Variants in ORC5 observed in about 807,000 individuals in gnomAD.
ORC5 encodes protein phosphatase 1, regulatory subunit 117.
A neutral mutation model predicts 58.8 loss-of-function variants in ORC5; 39 were observed. That is an observed-to-expected ratio of 0.66 (90% CI 0.51 to 0.87). ORC5 has a LOEUF of 0.87. Among genes scored for constraint, ORC5 ranks in the 40% least tolerant of loss-of-function variants. ORC5 has a pLI of 0.00. For missense variants in ORC5, 493 were observed against 506.3 expected (o/e 0.97, Z 0.25); for synonymous variants, 218 against 177.6 (o/e 1.23, Z -1.81).
intron 12 of ORC5, among the ~76,000 whole-genome samples, chr7:104,145,989 C>T (rs775294606): frequency 2.6e-5 from 4 of 152,060 alleles, no homozygotes; most frequent in Non-Finnish European, 4.4e-5. Flanking sequence ...CAAGGTAAAA[C>T]GGAAGAATCT....
intron 12 of ORC5, among the ~76,000 whole-genome samples, chr7:104,143,034 G>C (rs973220907): frequency 6.6e-6 from 1 of 152,156 alleles, no homozygotes; most frequent in Admixed American, 6.5e-5. Flanking sequence ...TTATTGCTAA[G>C]TATATTAACT....
chr7:104,150,224 G>A (rs1437744797), intron 12 of ORC5, among the ~76,000 whole-genome samples: 35 of 152,108 alleles, frequency 2.3e-4, no homozygotes, highest in Admixed American at 2.2e-3. Flanking sequence ...ATTTTTATAC[G>A]TTCATAGGTT....
chr7:104,198,452 A>G (rs1216989710), intron 3 of ORC5, among the ~76,000 whole-genome samples: 1 of 152,220 alleles, frequency 6.6e-6, no homozygotes, highest in African/African-American at 2.4e-5. Flanking sequence ...GAAGGGTGGC[A>G]TTTTGCCCCT....
At chr7:104,186,652 T>C (rs1056562737) in intron 6 of ORC5, among the ~76,000 whole-genome samples, 6 of 152,078 alleles carry the variant, frequency 3.9e-5, no homozygotes, top group African/African-American at 1.2e-4. Flanking sequence ...TTCAGGTGAT[T>C]TAATAAACTT....
At chr7:104,200,691 G>GA in intron 3 of ORC5, 67 bp downstream of exon 3, 2 of 1,012,852 alleles carry the variant, frequency 2.0e-6, no homozygotes, top group Non-Finnish European at 3.0e-6. Flanking sequence ...ACAAATATAT[G>GA]AAAATTGATC....
chr7:104,186,374 G>A (rs920014789), intron 6 of ORC5, among the ~76,000 whole-genome samples: 3 of 152,052 alleles, frequency 2.0e-5, no homozygotes, highest in Non-Finnish European at 4.4e-5. Flanking sequence ...TATGGGACTG[G>A]TCCTGGAACC....
chr7:104,188,198 A>C, intron 6 of ORC5, 53 bp downstream of exon 6: 1 of 1,167,174 alleles, frequency 8.6e-7, no homozygotes, highest in Non-Finnish European at 1.2e-6. Context: ...ATATGTATAC[A>C]CACACACACA....
In ORC5 at chr7:104,136,286, GTCTCTCT is replaced by G. The variant is rs1204276136; in HGVS notation, c.1262+488_1262+494del. On this transcript the variant is annotated intron_variant, in intron 13 of 13. Coordinates refer to ENST00000297431, the MANE Select transcript of ORC5 (RefSeq NM_002553.4). The surrounding 1 kb of genome is among the most constrained non-coding windows in gnomAD (Gnocchi z 4.2). ...GTGCCCCTTCAGTATGTATCCATTTGTCTCTCTGAAAACTCTAAACACAGCACAGCAC... is the reference window on the plus strand; with the variant it reads ...GTGCCCCTTCAGTATGTATCCATTTGGAAAACTCTAAACACAGCACAGCAC... Among the ~76,000 whole-genome samples the G allele has an allele frequency of 6.6e-6, 1 of 151,572 alleles. No homozygotes were observed. Among genetic ancestry groups the G allele is most frequent in the Admixed American group, 6.6e-5 (1 of 15,182 alleles).
intron 10 of ORC5, 179 bp from the exon 11 acceptor site, chr7:104,165,461 C>T (rs1334292237): frequency 7.0e-6 from 3 of 430,170 alleles, no homozygotes; most frequent in South Asian, 4.2e-5. Flanking sequence ...AGGCCAATTT[C>T]GTTTAGACTT....
intron 6 of ORC5, among the ~76,000 whole-genome samples, chr7:104,185,661 T>C (rs1799528366): frequency 1.3e-5 from 2 of 152,196 alleles, no homozygotes; most frequent in African/African-American, 2.4e-5. Flanking sequence ...AGAAACTCTA[T>C]GTATTCTAAA....
chr7:104,146,716 G>A (rs1798758293), intron 12 of ORC5, among the ~76,000 whole-genome samples: 1 of 152,144 alleles, frequency 6.6e-6, no homozygotes, highest in Admixed American at 6.5e-5. Flanking sequence ...TAATGGAACC[G>A]GTCTTGACTG....
chr7:104,165,417 C>T lies in ORC5; in HGVS notation c.991-135G>A, dbSNP rs1799091270. On this transcript the variant is annotated intron_variant, in intron 10 of 13. Transcript: ENST00000297431. ...GTTTTTAAATAGTTATTCTTCTTAT[C>T]ACCTTGTATATATATTAGACTTCAA... 1.9e-5 allele frequency: 11 copies of T among 594,006 alleles called. No homozygotes were observed. In the South Asian group the frequency reaches 2.0e-4, roughly 11 times the overall value. 36.8% of individuals were successfully genotyped at this position (594,006 alleles called of 1,614,324 possible). A position where few individuals can be genotyped will look rare whatever the true frequency, so the allele number is the denominator to read the frequency against.
rs1194673065 is a variant in ORC5 at position 104,136,268 on chromosome 7, T to C, written c.1262+513A>G. 1.3e-5 allele frequency among the ~76,000 whole-genome samples: 2 copies of C among 152,026 alleles called. No individual in the cohort carries two copies. The highest frequency in any genetic ancestry group is 2.4e-5 in the African/African-American group (1 of 41,388). ...CATTCTACCACTCTCCTCGTGCCCC[T>C]TCAGTATGTATCCATTTGTCTCTCT... On this transcript the variant is annotated intron_variant, in intron 13 of 13. Coordinates refer to ENST00000297431, the MANE Select transcript of ORC5 (RefSeq NM_002553.4). This position sits in a 1 kb window ranked among gnomAD's most constrained non-coding sequence, Gnocchi z 4.2.
chr7:104,154,205 T>C (rs370619285), intron 12 of ORC5, among the ~76,000 whole-genome samples: 1 of 152,092 alleles, frequency 6.6e-6, no homozygotes, highest in Non-Finnish European at 1.5e-5. Flanking sequence ...AGTCTTGAGA[T>C]TGTCTGACAC....
At chr7:104,172,279 TTATG>T (rs1289080281) in intron 8 of ORC5, among the ~76,000 whole-genome samples, 2 of 152,238 alleles carry the variant, frequency 1.3e-5, no homozygotes, top group Admixed American at 6.5e-5. Context: ...CCTTTCATTA[TTATG>T]TAAGAATCAT....
rs764468800 is a variant in ORC5 at position 104,207,856 on chromosome 7, T to C, written c.49A>G (p.Ile17Val). The change falls in exon 1 of 14, where the codon ATC becomes GTC. Residue 17 changes from isoleucine to valine, a missense_variant. Physicochemically the swap from Ile to Val is conservative, Grantham distance 29 (BLOSUM62 3). Around this residue, in one of 3 missense-constraint regions of ORC5, gnomAD observed 412 missense variants for 403.7 expected, o/e 1.02. Coordinates refer to ENST00000297431, the MANE Select transcript of ORC5 (RefSeq NM_002553.4). Reference protein sequence around the residue: ...VVLCRESQVSILQSLFGERHH... With the variant: ...VVLCRESQVSVLQSLFGERHH... Reference sequence around the variant, plus strand: ...ACCTCTCCAAACAAGGACTGCAAGATGGACACTTGAGACTCGCGACAAAGC... The same window carrying C: ...ACCTCTCCAAACAAGGACTGCAAGACGGACACTTGAGACTCGCGACAAAGC... 12 of 1,614,054 alleles carry C rather than the reference T, an allele frequency of 7.4e-6. No individual in the cohort carries two copies. In the African/African-American group the frequency reaches 1.3e-4, roughly 18 times the overall value.
intron 8 of ORC5, among the ~76,000 whole-genome samples, chr7:104,173,881 G>C (rs1404445662): frequency 8.2e-6 from 1 of 121,682 alleles, no homozygotes; most frequent in Non-Finnish European, 1.7e-5. Context: ...GTCTCGCTCT[G>C]TCGCCCAGGC....
intron 3 of ORC5, among the ~76,000 whole-genome samples, chr7:104,200,199 T>G (rs1302697873): frequency 6.6e-6 from 1 of 152,204 alleles, no homozygotes; most frequent in Non-Finnish European, 1.5e-5. Flanking sequence ...ACCAGGCATA[T>G]TTGTTGCTCT....
At position 104,195,237 on chromosome 7, in the gene ORC5, A is replaced by C. The variant is rs748898831; in HGVS notation, c.459T>G (p.Thr153=). Residue 153 remains threonine (T), a synonymous_variant, in exon 5 of 14, where the codon ACT becomes ACG. Transcript: ENST00000297431. ...AAACAATTTCACTGAGAAAGAGAAC[A>C]GTCACATTTCTGTCAGCCTGTAAAA... ...RLQELADRNV[T]VLFLSEIVWE... is the part of the protein sequence containing the mutation. 3 of 1,553,640 alleles carry C rather than the reference A, an allele frequency of 1.9e-6. No individual in the cohort carries two copies. The South Asian group carries it at 3.7e-5, about 19-fold the overall frequency.
Sources: gnomAD v4.1 joint callset for allele counts (sites outside exome capture counted in the v4.1 genomes callset) on GRCh38, gnomAD v4.1.1 for gene constraint, gnomAD v4.1.1 regional missense constraint, Gnocchi (gnomAD v3.1) non-coding constraint, MANE v1.5 for transcripts, NCBI Gene and HGNC (gene_info 2026-07-23, HGNC 2026-07-21) for gene names.